FARS2: variants seen among roughly 807,000 people sequenced by gnomAD.
FARS2 encodes the protein phenylalanine--tRNA ligase, mitochondrial.
In FARS2, 40 loss-of-function variants were observed where a neutral mutation model predicts 46.4. The observed-to-expected ratio is 0.86, with a 90% CI of 0.67 to 1.12. The LOEUF (loss-of-function observed/expected upper bound fraction) is 1.12. Among genes scored for constraint, FARS2 ranks in the 50% most tolerant of loss-of-function variants. The probability of loss-of-function intolerance (pLI) is 0.00; values close to 1 mark genes in which losing one functional copy is unlikely to be tolerated. For missense variants in FARS2, 513 were observed against 567.9 expected (o/e 0.90, Z 0.98); for synonymous variants, 234 against 214.9 (o/e 1.09, Z -0.78).
At chr6:5,717,929 T>TAGAGAGAGAGAGAGAGAGAGAGAGAGAG (rs372348270) in intron 6 of FARS2, among the ~76,000 whole-genome samples, 45 of 105,040 alleles carry the variant, frequency 4.3e-4, no homozygotes, top group African/African-American at 2.1e-3. Flanking sequence ...TATATATATA[T>TAGAGAGAGAGAGAGAGAGAGAGAGAGAG]ATATATACAG....
chr6:5,252,053 A>G, the FARS2 span, among the ~76,000 whole-genome samples: 3 of 152,240 alleles, frequency 2.0e-5, no homozygotes, highest in East Asian at 1.9e-4. Context: ...TGTAGTACAT[A>G]GTAAGCGAGA....
At chr6:5,532,644 G>A (rs542859592) in intron 4 of FARS2, among the ~76,000 whole-genome samples, 9 of 152,198 alleles carry the variant, frequency 5.9e-5, no homozygotes, top group South Asian at 4.1e-4. Flanking sequence ...CCAGCTACTC[G>A]GGAGGCTGAG....
chr6:5,723,898 C>T (rs552091217), intron 6 of FARS2, among the ~76,000 whole-genome samples: 5 of 152,320 alleles, frequency 3.3e-5, no homozygotes, highest in Admixed American at 2.6e-4. Context: ...AGCAGGCGGT[C>T]TCTGTTGTGA....
At chr6:5,490,048 G>A (rs1262595188) in intron 4 of FARS2, among the ~76,000 whole-genome samples, 1 of 152,060 alleles carries the variant, frequency 6.6e-6, no homozygotes, top group African/African-American at 2.4e-5. Flanking sequence ...TGGCCCTTTC[G>A]GTTGACCTTT....
At chr6:5,614,455 G>A (rs1186912892) in intron 6 of FARS2, among the ~76,000 whole-genome samples, 1 of 150,166 alleles carries the variant, frequency 6.7e-6, no homozygotes, top group Non-Finnish European at 1.5e-5. Context: ...TGTCGCCCAG[G>A]CTGGAGTGCA....
At chr6:5,681,479 T>G (rs745953287) in intron 6 of FARS2, among the ~76,000 whole-genome samples, 22 of 152,266 alleles carry the variant, frequency 1.4e-4, no homozygotes, top group Non-Finnish European at 2.4e-4. Flanking sequence ...GATTTTTACT[T>G]TCTTTATGCC....
At chr6:5,432,407 TTA>T (rs1420136175) in intron 4 of FARS2, among the ~76,000 whole-genome samples, 2 of 123,000 alleles carry the variant, frequency 1.6e-5, no homozygotes, top group Non-Finnish European at 3.3e-5. Flanking sequence ...ATATTATGTA[TTA>T]TATATAATAT....
At chr6:5,537,756 C>A (rs1343816981) in intron 4 of FARS2, among the ~76,000 whole-genome samples, 1 of 152,198 alleles carries the variant, frequency 6.6e-6, no homozygotes, top group East Asian at 1.9e-4. Flanking sequence ...TTAGAAGGGT[C>A]GCCCTGTGGG....
intron 2 of FARS2, among the ~76,000 whole-genome samples, chr6:5,369,848 T>C (rs1004891122): frequency 3.3e-5 from 5 of 151,992 alleles, no homozygotes; most frequent in Non-Finnish European, 7.4e-5. Flanking sequence ...TGTTAGATGT[T>C]ATCCTAATAC....
In FARS2 at chr6:5,765,655, C is replaced by T. The variant is rs1762714665; in HGVS notation, c.1218-5636C>T. ...AATCTCGGGAGAACATGAGGTTCCA[C>T]GTGGGGTGCGGTGTGGCTGACTTCA... On this transcript the variant is annotated intron_variant, in intron 6 of 6. Coordinates refer to ENST00000274680, the MANE Select transcript of FARS2 (RefSeq NM_006567.5). This position sits in a 1 kb window ranked among gnomAD's most constrained non-coding sequence, Gnocchi z 4.0. Among the ~76,000 whole-genome samples the T allele has an allele frequency of 1.3e-5, 2 of 152,108 alleles. No individual in the cohort carries two copies. The highest frequency in any genetic ancestry group is 2.1e-4 in the South Asian group (1 of 4,818).
At chr6:5,582,800 T>A (rs1214622043) in intron 5 of FARS2, among the ~76,000 whole-genome samples, 1 of 152,242 alleles carries the variant, frequency 6.6e-6, no homozygotes, top group African/African-American at 2.4e-5. Flanking sequence ...TAGCTCTTTA[T>A]GTTAAACTCT....
chr6:5,412,911 G>A (rs1055227487), intron 3 of FARS2, among the ~76,000 whole-genome samples: 1 of 152,196 alleles, frequency 6.6e-6, no homozygotes, highest in East Asian at 1.9e-4. Context: ...GTAGTCTAGA[G>A]CAGGTTGCTC....
intron 5 of FARS2, among the ~76,000 whole-genome samples, chr6:5,564,315 C>G (rs565393738): frequency 3.9e-4 from 60 of 152,276 alleles, no homozygotes; most frequent in South Asian, 1.0e-3. Flanking sequence ...AACAAAGAAA[C>G]CTCCGGGTTA....
intron 5 of FARS2, among the ~76,000 whole-genome samples, chr6:5,560,587 T>G (rs1398727207): frequency 6.6e-6 from 1 of 152,160 alleles, no homozygotes; most frequent in African/African-American, 2.4e-5. Context: ...ATAAAACTAG[T>G]TTAGAAGTAT....
rs1770875612 is a variant in FARS2, at chr6:5,545,052, G to A, written c.905-128G>A. ...GGGCACCCTCATGGATGTCTTTGTAGCGGCTGCCCAGTGCCTTTGCCCGCT... is the reference window on the plus strand; with the variant it reads ...GGGCACCCTCATGGATGTCTTTGTAACGGCTGCCCAGTGCCTTTGCCCGCT... On this transcript the variant is annotated intron_variant, in intron 4 of 6. Coordinates refer to ENST00000274680, the MANE Select transcript of FARS2 (RefSeq NM_006567.5). The A allele has an allele frequency of 1.0e-5, 8 of 784,018 alleles. No individual in the cohort carries two copies. The Admixed American group carries it at 1.8e-4, about 18-fold the overall frequency. 48.6% of individuals were successfully genotyped at this position (784,018 alleles called of 1,614,324 possible).
intron 3 of FARS2, among the ~76,000 whole-genome samples, chr6:5,422,089 C>T (rs1762581813): frequency 6.6e-6 from 1 of 152,176 alleles, no homozygotes; most frequent in Non-Finnish European, 1.5e-5. Flanking sequence ...GGGGAGGCCT[C>T]ACAATCATGG....
rs188068565 is a variant in FARS2, at chr6:5,471,592, G to A, written c.904+40420G>A. On this transcript the variant is annotated intron_variant, in intron 4 of 6. Transcript: ENST00000274680. This position sits in a 1 kb window ranked among gnomAD's most constrained non-coding sequence, Gnocchi z 4.1. Reference sequence around the variant, plus strand: ...CCTTTTGTTAGATAGCTATTCTAGTGGCTCTTTGCTTTTAACCAACAAAGG... The same window carrying A: ...CCTTTTGTTAGATAGCTATTCTAGTAGCTCTTTGCTTTTAACCAACAAAGG... Among the ~76,000 whole-genome samples the A allele has an allele frequency of 1.2e-4, 19 of 152,276 alleles. No individual in the cohort carries two copies. The highest frequency in any genetic ancestry group is 4.3e-4 in the African/African-American group (18 of 41,548).
chr6:5,256,490 GGAAAAAAAAAAAAAAAAAAA>G (rs1427117903), upstream of FARS2, among the ~76,000 whole-genome samples: 39 of 37,520 alleles, frequency 1.0e-3, 1 homozygote, highest in South Asian at 4.2e-3. Context: ...GATTTCAACT[GGAAAAAAAAAAAAAAAAAAA>G]AAAAAAAAAA....
chr6:5,327,609 G>A (rs1416188854), intron 1 of FARS2, among the ~76,000 whole-genome samples: 3 of 152,164 alleles, frequency 2.0e-5, no homozygotes, highest in East Asian at 1.9e-4. Flanking sequence ...TGCCATGATC[G>A]TGAGGCCTCC....
Sources: gnomAD v4.1 joint callset for allele counts (sites outside exome capture counted in the v4.1 genomes callset) on GRCh38, gnomAD v4.1.1 for gene constraint, Gnocchi (gnomAD v3.1) non-coding constraint, MANE v1.5 for transcripts, NCBI Gene and HGNC (gene_info 2026-07-23, HGNC 2026-07-21) for gene names.